The following OPHN1 variants were observed in gnomAD, a reference collection of about 807,000 sequenced individuals.
OPHN1 encodes the protein oligophrenin 1.
OPHN1 carries 11 observed loss-of-function variants against 60.7 expected under a neutral mutation model. The ratio of observed to expected loss-of-function variants is 0.18; its 90% CI spans 0.11 to 0.30. The LOEUF (loss-of-function observed/expected upper bound fraction) is 0.30, where lower values mean the gene tolerates loss of function less well. Among genes scored for constraint, OPHN1 ranks in the 10% least tolerant of loss-of-function variants. The pLI is 1.00. For synonymous variants in OPHN1, 226 were observed against 222.6 expected (o/e 1.02, Z -0.14); for missense variants, 449 against 611.0 (o/e 0.73, Z 2.80).
At chrX:68,085,409 C>G (rs1247527367) in intron 19 of OPHN1, among the ~76,000 whole-genome samples, 1 of 112,138 alleles carries the variant, frequency 8.9e-6, no homozygotes, top group Admixed American at 9.4e-5. Flanking sequence ...CCTTGCTTTA[C>G]TTTTTCTTCA....
intron 2 of OPHN1, among the ~76,000 whole-genome samples, chrX:68,380,057 T>C (rs2078586813): frequency 9.0e-6 from 1 of 111,460 alleles, no homozygotes; most frequent in Admixed American, 9.6e-5. Flanking sequence ...CATCTGGTCA[T>C]GGACTCTTTT....
chrX:68,337,511 G>A (rs1417392193), intron 2 of OPHN1, among the ~76,000 whole-genome samples: 4 of 111,283 alleles, frequency 3.6e-5, no homozygotes, highest in African/African-American at 1.3e-4. Context: ...TTGTTTAAGT[G>A]CAAAACTTAA....
At chrX:68,232,719 G>A (rs753699404) in intron 6 of OPHN1, among the ~76,000 whole-genome samples, 1 of 111,419 alleles carries the variant, frequency 9.0e-6, no homozygotes, top group African/African-American at 3.3e-5. Context: ...CCATTCCAAG[G>A]GCTAATTTTG....
chrX:68,224,070 T>C (rs1338068751), intron 6 of OPHN1, among the ~76,000 whole-genome samples: 2 of 111,543 alleles, frequency 1.8e-5, no homozygotes, highest in African/African-American at 3.3e-5. Flanking sequence ...CGTATGGACA[T>C]TGTTGACCTG....
chrX:68,130,601 G>A (rs1225873820), intron 15 of OPHN1, among the ~76,000 whole-genome samples: 1 of 111,051 alleles, frequency 9.0e-6, no homozygotes, highest in Admixed American at 9.6e-5. Flanking sequence ...ATTATGTTAA[G>A]ACAATGGTGA....
chrX:68,257,297 A>T, intron 5 of OPHN1, among the ~76,000 whole-genome samples: 1 of 112,817 alleles, frequency 8.9e-6, no homozygotes, highest in South Asian at 3.6e-4. Context: ...GTTAGAAGGC[A>T]TTCAATTTTA....
intron 16 of OPHN1, among the ~76,000 whole-genome samples, chrX:68,117,953 T>G (rs2077134434): frequency 8.9e-6 from 1 of 111,972 alleles, no homozygotes; most frequent in East Asian, 2.8e-4. Context: ...AAGAAAATGT[T>G]GAGACTCCTT....
Position 68,064,016 on chromosome X carries a change from G to C in OPHN1, c.1996C>G (p.Pro666Ala), listed in dbSNP as rs200183838. 9 of 1,207,622 alleles carry C rather than the reference G, an allele frequency of 7.5e-6. No homozygotes were observed. Among genetic ancestry groups the C allele is most frequent in the Middle Eastern group, 2.3e-4 (1 of 4,342 alleles). ...PILDGKLEPCPEVDVGKLVSR... is the reference protein window; with the variant it reads ...PILDGKLEPCAEVDVGKLVSR... ...ACCAACTTCCCCACGTCCACCTCTG[G>C]GCAGGGCTCCAACTTGCCATCCAAA... is the stretch of plus-strand genomic sequence containing the variant. The change falls in exon 21 of 25, where the codon CCA becomes GCA. Residue 666 changes from proline to alanine, a missense_variant. Physicochemically the swap from Pro to Ala is conservative, Grantham distance 27. Transcript: ENST00000355520.
chrX:68,158,764 T>C (rs1013543217), intron 15 of OPHN1, among the ~76,000 whole-genome samples: 1 of 111,816 alleles, frequency 8.9e-6, no homozygotes, highest in Non-Finnish European at 1.9e-5. Context: ...ATTGGAATTT[T>C]TCATCCTACC....
At chrX:68,093,773 G>A (rs1850039462) in intron 19 of OPHN1, among the ~76,000 whole-genome samples, 2 of 110,680 alleles carry the variant, frequency 1.8e-5, no homozygotes, top group East Asian at 2.8e-4. Flanking sequence ...TTTTTGTGCT[G>A]TTGAGCTTTG....
intron 15 of OPHN1, among the ~76,000 whole-genome samples, chrX:68,163,428 CTGTGTGTG>C (rs10549662): frequency 2.3e-5 from 2 of 85,275 alleles, no homozygotes; most frequent in East Asian, 3.4e-4. Context: ...AAAATCCATT[CTGTGTGTG>C]TGTGTGTGTG....
intron 2 of OPHN1, among the ~76,000 whole-genome samples, chrX:68,338,126 G>A (rs896370499): frequency 9.0e-6 from 1 of 111,343 alleles, no homozygotes; most frequent in South Asian, 3.7e-4. Flanking sequence ...CCAAAGTGCT[G>A]GGATTACAGG....
At chrX:68,171,039 A>T (rs1177762284) in intron 15 of OPHN1, among the ~76,000 whole-genome samples, 1 of 111,318 alleles carries the variant, frequency 9.0e-6, no homozygotes, top group East Asian at 2.8e-4. Context: ...AGAAAGAATG[A>T]ACAGACTTAG....
At chrX:68,089,470 T>G (rs1317045087) in intron 19 of OPHN1, among the ~76,000 whole-genome samples, 1 of 111,832 alleles carries the variant, frequency 8.9e-6, no homozygotes, top group Non-Finnish European at 1.9e-5. Context: ...AGTTTACCTG[T>G]AAGTAAATAC....
intron 21 of OPHN1, among the ~76,000 whole-genome samples, chrX:68,054,817 C>A (rs2076866435): frequency 9.0e-6 from 1 of 111,274 alleles, no homozygotes; most frequent in African/African-American, 3.3e-5. Flanking sequence ...TGATGAAGAC[C>A]ATACTGAAAT....
At chrX:68,133,458 C>G (rs1424185124) in intron 15 of OPHN1, 3 of 586,682 alleles carry the variant, frequency 5.1e-6, no homozygotes, top group Non-Finnish European at 8.8e-6. Flanking sequence ...TGTTATGTAT[C>G]TGGGTACCAG....
In OPHN1 at chrX:68,264,736, T is replaced by G. The variant is rs181680452; in HGVS notation, c.384+10002A>C. On this transcript the variant is annotated intron_variant, in intron 5 of 24. Coordinates refer to ENST00000355520, the MANE Select transcript of OPHN1 (RefSeq NM_002547.3). ...AGCCAAAGCAGGGCGAGGCATTGCC[T>G]CACCCGGGAAGTGCAAGGGGTCAGG... 5.8e-3 allele frequency among the ~76,000 whole-genome samples: 649 copies of G among 112,342 alleles called. 7 individuals carry two copies. The highest frequency in any genetic ancestry group is 0.02 in the African/African-American group (616 of 30,966).
chrX:68,083,318 C>T (rs1333382420), intron 19 of OPHN1, among the ~76,000 whole-genome samples: 1 of 108,296 alleles, frequency 9.2e-6, no homozygotes, highest in African/African-American at 3.4e-5. Context: ...ATGATCCACC[C>T]GCCTCGGCCT....
At chrX:68,164,933 T>C (rs1417531409) in intron 15 of OPHN1, among the ~76,000 whole-genome samples, 1 of 112,619 alleles carries the variant, frequency 8.9e-6, no homozygotes, top group African/African-American at 3.2e-5. Flanking sequence ...CCCTTTTATG[T>C]TATAGAGACA....
Sources: allele counts gnomAD v4.1 joint callset (sites outside exome capture counted in the v4.1 genomes callset), GRCh38; gene constraint gnomAD v4.1.1; transcripts MANE v1.5; gene names NCBI Gene and HGNC (gene_info 2026-07-23, HGNC 2026-07-21).